The following PVT1 variants were observed in gnomAD, a reference collection of about 807,000 sequenced individuals.
The protein encoded by PVT1 is Pvt1 oncogene, also known as CXCR4/PVT1 fusion.
intron 4 of PVT1, among the ~76,000 whole-genome samples, chr8:128,019,963 G>T (rs1817414576): frequency 6.6e-6 from 1 of 152,202 alleles, no homozygotes; most frequent in Non-Finnish European, 1.5e-5. Context: ...ACATCCCTTT[G>T]CTCTGCTCAA....
rs1299605382 is a variant in PVT1, at chr8:127,826,967, GCTTTCTTTTTCTTT to G, written n.372+30909_372+30922del. Among the ~76,000 whole-genome samples, 4 of 149,334 alleles carry G rather than the reference GCTTTCTTTTTCTTT, an allele frequency of 2.7e-5. No individual in the cohort carries two copies. The East Asian group carries it at 7.8e-4, about 29-fold the overall frequency. ...ACGTGCCCTGGATCCTGGCCACAGG[GCTTTCTTTTTCTTT>G]CTTTCTTTTTCTCTTTTTTTTTTTT... On this transcript the variant is annotated intron_variant and non_coding_transcript_variant, in intron 2 of 10. Coordinates refer to ENST00000651587, the Ensembl canonical transcript of PVT1.
chr8:127,994,623 T>C (rs536459649), intron 4 of PVT1, among the ~76,000 whole-genome samples: 1 of 152,352 alleles, frequency 6.6e-6, no homozygotes, highest in African/African-American at 2.4e-5. Flanking sequence ...ATCTAGGAGA[T>C]TTATTTATTA....
intron 2 of PVT1, among the ~76,000 whole-genome samples, chr8:127,828,666 T>G (rs1361393601): frequency 1.3e-5 from 2 of 152,228 alleles, no homozygotes; most frequent in East Asian, 3.9e-4. Context: ...CAGTCCATCC[T>G]CAGAGAGTGA....
At position 128,088,720 on chromosome 8, in the gene PVT1, A is replaced by AAT. The variant is rs1814310097; in HGVS notation, n.1115-7795_1115-7794dup. On this transcript the variant is annotated intron_variant and non_coding_transcript_variant, in intron 5 of 10. Coordinates refer to ENST00000651587, the Ensembl canonical transcript of PVT1. Reference sequence around the variant, plus strand: ...CAGTTTGGGGATGGAGTGTTCCATAAATATCAACTGTGAAAGGTCCAGTAC... The same window carrying AAT: ...CAGTTTGGGGATGGAGTGTTCCATAAATATATCAACTGTGAAAGGTCCAGTAC... Among the ~76,000 whole-genome samples, 3 of 152,234 alleles carry AAT rather than the reference A, an allele frequency of 2.0e-5. No individual in the cohort carries two copies. The South Asian group carries it at 6.2e-4, about 32-fold the overall frequency.
chr8:127,851,094 A>G (rs1815102963), intron 2 of PVT1, among the ~76,000 whole-genome samples: 1 of 152,240 alleles, frequency 6.6e-6, no homozygotes, highest in African/African-American at 2.4e-5. Context: ...ATATTAAAAC[A>G]GGAATTCAGA....
intron 4 of PVT1, among the ~76,000 whole-genome samples, chr8:128,000,223 C>G (rs2130015687): frequency 6.6e-6 from 1 of 152,342 alleles, no homozygotes; most frequent in Middle Eastern, 3.4e-3. Context: ...CCGAGGCACA[C>G]AGAATGAGGA....
intron 2 of PVT1, among the ~76,000 whole-genome samples, chr8:127,852,836 C>T (rs952904307): frequency 1.3e-5 from 2 of 152,198 alleles, no homozygotes; most frequent in Non-Finnish European, 2.9e-5. Context: ...GATGATCTGG[C>T]TTAGACAGTG....
chr8:127,988,010 C>T (rs115911224), intron 3 of PVT1, among the ~76,000 whole-genome samples: 2,262 of 152,224 alleles, frequency 0.015, 65 homozygotes, highest in African/African-American at 0.052. Context: ...TGGGAGGAGG[C>T]GAGGACTCTG....
At chr8:128,041,706 G>GTGTGT (rs1813548018) in intron 4 of PVT1, among the ~76,000 whole-genome samples, 1 of 151,892 alleles carries the variant, frequency 6.6e-6, no homozygotes, top group Admixed American at 6.6e-5. Flanking sequence ...TTGTTCGTGT[G>GTGTGT]TGCATGTGTT....
chr8:127,844,838 C>G (rs1220788190), intron 2 of PVT1, among the ~76,000 whole-genome samples: 1 of 152,072 alleles, frequency 6.6e-6, no homozygotes, highest in African/African-American at 2.4e-5. Flanking sequence ...CTCAGCCTCC[C>G]GAGTAGCTGG....
chr8:128,010,987 T>C (rs1817307927), intron 4 of PVT1, among the ~76,000 whole-genome samples: 1 of 152,206 alleles, frequency 6.6e-6, no homozygotes, highest in Admixed American at 6.5e-5. Flanking sequence ...ATCTCTAGAA[T>C]AAAATCTAAT....
At chr8:128,021,210 C>T (rs545109243) in intron 4 of PVT1, among the ~76,000 whole-genome samples, 5 of 151,886 alleles carry the variant, frequency 3.3e-5, no homozygotes, top group Admixed American at 6.6e-5. Flanking sequence ...GAATCCAGGG[C>T]ACATCCCCCA....
intron 2 of PVT1, among the ~76,000 whole-genome samples, chr8:127,839,573 T>TGAAAAAAAAAAAAAAAAAAAAAAA (rs1814949512): frequency 8.3e-6 from 1 of 120,838 alleles, no homozygotes; most frequent in Non-Finnish European, 1.8e-5. Context: ...AAAAAAAAAA[T>TGAAAAAAAAAAAAAAAAAAAAAAA]GAAAAAAAAA....
chr8:127,914,256 A>C (rs542363651), intron 3 of PVT1, among the ~76,000 whole-genome samples: 5 of 125,918 alleles, frequency 4.0e-5, no homozygotes, highest in Admixed American at 2.5e-4. Flanking sequence ...ACCACCACCA[A>C]CAGCAAAAAA....
At chr8:127,905,556 G>A (rs760821152) in intron 3 of PVT1, among the ~76,000 whole-genome samples, 4 of 152,142 alleles carry the variant, frequency 2.6e-5, no homozygotes, top group African/African-American at 4.8e-5. Flanking sequence ...CTCAACTCAG[G>A]TGAATGTGTT....
Position 128,071,528 on chromosome 8 carries a change from T to TA in PVT1, n.1114+1178dup, listed in dbSNP as rs879437083. Among the ~76,000 whole-genome samples the TA allele has an allele frequency of 2.7e-3, 397 of 148,604 alleles. 3 individuals carry two copies. The highest frequency in any genetic ancestry group is 9.0e-3 in the African/African-American group (363 of 40,516). ...AGACCCCCATCTCTATAAAAATTTT[T>TA]AAAAAAAAAAAGCAGTTTTGGTGGC... On this transcript the variant is annotated intron_variant and non_coding_transcript_variant, in intron 5 of 10. Transcript: ENST00000651587.
At chr8:127,927,184 G>T (rs186949409) in intron 3 of PVT1, among the ~76,000 whole-genome samples, 1 of 152,176 alleles carries the variant, frequency 6.6e-6, no homozygotes, top group Non-Finnish European at 1.5e-5. Flanking sequence ...GGGACTATTC[G>T]TCTCTACTCC....
At chr8:127,814,104 C>T (rs961562675) in intron 2 of PVT1, among the ~76,000 whole-genome samples, 2 of 152,202 alleles carry the variant, frequency 1.3e-5, no homozygotes, top group Admixed American at 1.3e-4. Flanking sequence ...ATTATTTTTG[C>T]ACTTTCAGTT....
intron 4 of PVT1, among the ~76,000 whole-genome samples, chr8:128,065,837 G>T (rs1813903249): frequency 6.6e-6 from 1 of 152,196 alleles, no homozygotes; most frequent in Non-Finnish European, 1.5e-5. Context: ...TAAGCTGACG[G>T]AGTCCCTGCC....
Sources: allele counts gnomAD v4.1 joint callset (sites outside exome capture counted in the v4.1 genomes callset), GRCh38; gene constraint gnomAD v4.1.1; transcripts MANE v1.5; gene names NCBI Gene and HGNC (gene_info 2026-07-23, HGNC 2026-07-21).